Variants in INSR observed in about 807,000 individuals in gnomAD.
INSR encodes insulin receptor, also known as IR.
Under a neutral mutation model 142.6 loss-of-function variants are expected in INSR, and 67 were observed. The ratio of observed to expected loss-of-function variants is 0.47; its 90% confidence interval spans 0.39 to 0.58. INSR has a LOEUF of 0.58. Among genes scored for constraint, INSR ranks in the 20% least tolerant of loss-of-function variants. INSR has a pLI of 0.00. For synonymous variants in INSR, 756 were observed against 743.1 expected, an observed-to-expected ratio of 1.02 and a Z score of -0.28; for missense variants, 1,248 against 1,833.2, an observed-to-expected ratio of 0.68 and a Z score of 5.83.
intron 10 of INSR, among the ~76,000 whole-genome samples, chr19:7,151,168 CTTTCTTTCTTT>C (rs1973340276): frequency 3.1e-4 from 2 of 6,418 alleles, no homozygotes; most frequent in Non-Finnish European, 1.9e-3. Flanking sequence ...CTTTCTCTTT[CTTTCTTTCTTT>C]CTTTCTTTCT....
intron 2 of INSR, among the ~76,000 whole-genome samples, chr19:7,234,826 G>A (rs1007202946): frequency 7.9e-5 from 12 of 151,834 alleles, no homozygotes; most frequent in African/African-American, 1.5e-4. Context: ...TTGGGAGGCC[G>A]AGGCGGGTGG....
At chr19:7,274,243 G>A (rs548236174) in intron 1 of INSR, among the ~76,000 whole-genome samples, 3 of 151,882 alleles carry the variant, frequency 2.0e-5, no homozygotes, top group African/African-American at 7.3e-5. Context: ...CACAGTTCAC[G>A]ACAGGATTCG....
rs1332304536 is a variant in INSR, at chr19:7,125,004, A to C, written c.3258+279T>G. On this transcript the variant is annotated intron_variant, in intron 17 of 21. Transcript: ENST00000302850. The surrounding 1 kb of genome is among the most constrained non-coding windows in gnomAD (Gnocchi z 4.9). ...AAGTGGTGGAAGATTCCAGAAAATG[A>C]TGGAAGATTCCAGAAAGTGATGAAA... Among the ~76,000 whole-genome samples, 1 of 152,120 alleles carries C rather than the reference A, an allele frequency of 6.6e-6. No individual in the cohort carries two copies. Among genetic ancestry groups the C allele is most frequent in the Non-Finnish European group, 1.5e-5 (1 of 68,032 alleles).
chr19:7,237,319 C>T (rs1044237478), intron 2 of INSR, among the ~76,000 whole-genome samples: 1 of 151,710 alleles, frequency 6.6e-6, no homozygotes, highest in Non-Finnish European at 1.5e-5. Flanking sequence ...GAGTTCCAGA[C>T]CAGCCTGGCC....
Position 7,184,662 on chromosome 19 carries a change from G to GA in INSR, c.653-26_653-25insT. 5 of 982,314 alleles carry GA rather than the reference G, an allele frequency of 5.1e-6. No individual in the cohort carries two copies. In the African/African-American group the frequency reaches 1.0e-4, roughly 20 times the overall value. The allele number at this position is 982,314 out of a possible 1,614,324, so 60.8% of individuals were successfully genotyped here. On this transcript the variant is annotated intron_variant, in intron 2 of 21. Transcript: ENST00000302850. The stretch of plus-strand genomic sequence containing the variant: ...ACTGGAGAGAGAGAGAGAGAGAGAG[G>GA]GAAATAAATAAATAAATAAATAAAT...
rs781376061 is a variant in INSR at position 7,184,294 on chromosome 19, C to T, written c.974+22G>A. On this transcript the variant is annotated intron_variant, in intron 3 of 21. Coordinates refer to ENST00000302850, the MANE Select transcript of INSR (RefSeq NM_000208.4). ...GTTCCTTCTCCTCTCGGCTGCCCCC[C>T]AGACCCACATCCAGAACTCACTTGC... is the stretch of plus-strand genomic sequence containing the variant. 15 of 1,610,008 alleles carry T rather than the reference C, an allele frequency of 9.3e-6. No homozygotes were observed. The South Asian group carries it at 1.3e-4, about 14-fold the overall frequency.
intron 2 of INSR, among the ~76,000 whole-genome samples, chr19:7,190,729 T>C (rs766420217): frequency 2.0e-5 from 3 of 152,106 alleles, no homozygotes; most frequent in Non-Finnish European, 2.9e-5. Context: ...TCCAACTCTG[T>C]AGGGAGATGT....
intron 9 of INSR, among the ~76,000 whole-genome samples, chr19:7,160,699 A>G (rs1216225453): frequency 6.6e-6 from 1 of 151,928 alleles, no homozygotes; most frequent in African/African-American, 2.4e-5. Context: ...AAAAAACCCA[A>G]TGTTAAAATA....
At chr19:7,253,307 C>T (rs566217360) in intron 2 of INSR, among the ~76,000 whole-genome samples, 2 of 151,904 alleles carry the variant, frequency 1.3e-5, no homozygotes, top group Admixed American at 6.6e-5. Flanking sequence ...GACGTGATCT[C>T]GACTCACTGC....
chr19:7,166,212 A>G lies in INSR; in HGVS notation c.1803T>C (p.Asp601=). 1 of 1,614,122 alleles carries G rather than the reference A, an allele frequency of 6.2e-7. No homozygotes were observed. Among genetic ancestry groups the G allele is most frequent in the Non-Finnish European group, 8.5e-7 (1 of 1,180,028 alleles). ...TCTTGGCCCCATAGGTCCGGCGTTC[A>G]TCCGAAAAGGTGACCAGGGTCTTCA... ...IFVKTLVTFS[D]ERRTYGAKSD... is the part of the protein sequence containing the mutation. Residue 601 remains aspartate (D), a synonymous_variant, in exon 8 of 22, where the codon GAT becomes GAC. Coordinates refer to ENST00000302850, the MANE Select transcript of INSR (RefSeq NM_000208.4). The surrounding 1 kb of genome is among the most constrained non-coding windows in gnomAD (Gnocchi z 4.1).
Position 7,243,280 on chromosome 19 carries a change from C to T in INSR, c.652+24065G>A, listed in dbSNP as rs1033074018. The stretch of plus-strand genomic sequence containing the variant: ...TTTTTTTTTGAGATGCAGTCTAGCT[C>T]TACTGCCCAGGCTGGAGTGCAGTGG... On this transcript the variant is annotated intron_variant, in intron 2 of 21. Transcript: ENST00000302850. 3.5e-5 allele frequency among the ~76,000 whole-genome samples: 4 copies of T among 114,058 alleles called. No individual in the cohort carries two copies. In the South Asian group the frequency reaches 1.3e-3, roughly 36 times the overall value. 74.8% of individuals were successfully genotyped at this position (114,058 alleles called of 152,430 possible). A position where few individuals can be genotyped will look rare whatever the true frequency, so the allele number is the denominator to read the frequency against.
rs1483840468 is a variant in INSR, at chr19:7,119,175, A to T, written c.3794+274T>A. ...ATGCTGATGCACACAGAAACATATAATATGCAAACATAAATACCTATGTAA... is the reference window on the plus strand; with the variant it reads ...ATGCTGATGCACACAGAAACATATATTATGCAAACATAAATACCTATGTAA... On this transcript the variant is annotated intron_variant, in intron 21 of 21. Transcript: ENST00000302850. This position sits in a 1 kb window ranked among gnomAD's most constrained non-coding sequence, Gnocchi z 5.2. Among the ~76,000 whole-genome samples, 1 of 152,252 alleles carries T rather than the reference A, an allele frequency of 6.6e-6. No homozygotes were observed. The highest frequency in any genetic ancestry group is 1.5e-5 in the Non-Finnish European group (1 of 68,042).
At chr19:7,152,084 G>A (rs1029292972) in intron 10 of INSR, 9 of 158,250 alleles carry the variant, frequency 5.7e-5, no homozygotes, top group Admixed American at 4.2e-4. Flanking sequence ...ACACCACTGC[G>A]CTCAGCTAAA....
chr19:7,243,234 G>GTTTT lies in INSR; in HGVS notation c.652+24107_652+24110dup, dbSNP rs1161289283. Among the ~76,000 whole-genome samples the GTTTT allele has an allele frequency of 1.9e-3, 131 of 68,218 alleles. 12 individuals are homozygous for GTTTT. Among genetic ancestry groups the GTTTT allele is most frequent in the South Asian group, 3.4e-3 (4 of 1,188 alleles). 44.8% of individuals were successfully genotyped at this position (68,218 alleles called of 152,430 possible). A position where few individuals can be genotyped will look rare whatever the true frequency, so the allele number is the denominator to read the frequency against. On this transcript the variant is annotated intron_variant, in intron 2 of 21. Coordinates refer to ENST00000302850, the MANE Select transcript of INSR (RefSeq NM_000208.4). The stretch of plus-strand genomic sequence containing the variant: ...TCACAGCCAGTCACACACTGTTTTG[G>GTTTT]TTTTTTTTTTTTTTTTTTTTTTTTT...
Position 7,174,591 on chromosome 19 carries a change from C to T in INSR, c.1115G>A (p.Arg372Gln). 2 of 1,613,986 alleles carry T rather than the reference C, an allele frequency of 1.2e-6. No homozygotes were observed. The highest frequency in any genetic ancestry group is 1.7e-6 in the Non-Finnish European group (2 of 1,179,972). Residue 372 changes from arginine (R) to glutamine (Q), a missense_variant, in exon 4 of 22, where the codon CGA (arginine) becomes CAA (glutamine). Coordinates refer to ENST00000302850, the MANE Select transcript of INSR (RefSeq NM_000208.4). ...CACACAGAGACACTCACTGCCTCCT[C>T]GAATGTTGATGATCAGACTCCCGTT... ...VINGSLIINI[R>Q]GGNNLAAELE...
In INSR at chr19:7,216,066, T is replaced by C. The variant is rs982335703; in HGVS notation, c.653-31429A>G. On this transcript the variant is annotated intron_variant, in intron 2 of 21. Coordinates refer to ENST00000302850, the MANE Select transcript of INSR (RefSeq NM_000208.4). This position sits in a 1 kb window ranked among gnomAD's most constrained non-coding sequence, Gnocchi z 4.2. ...GGCTGGGCACGGTGGCTCACGCCTA[T>C]AATCCCAGCACTTTGGGAGGCCAAG... 1.3e-5 allele frequency among the ~76,000 whole-genome samples: 2 copies of C among 151,522 alleles called. No homozygotes were observed. Among genetic ancestry groups the C allele is most frequent in the African/African-American group, 4.8e-5 (2 of 41,288 alleles).
chr19:7,244,917 TG>T (rs1976484447), intron 2 of INSR, among the ~76,000 whole-genome samples: 1 of 149,652 alleles, frequency 6.7e-6, no homozygotes. Flanking sequence ...TGGGTTTTTT[TG>T]TTTTTGTTTT....
At chr19:7,215,712 C>T (rs950563833) in intron 2 of INSR, among the ~76,000 whole-genome samples, 5 of 151,776 alleles carry the variant, frequency 3.3e-5, no homozygotes, top group South Asian at 4.2e-4. Flanking sequence ...GAATTACAGG[C>T]GCATGCCACC....
chr19:7,258,338 C>T (rs757713369), intron 2 of INSR, among the ~76,000 whole-genome samples: 4 of 151,914 alleles, frequency 2.6e-5, no homozygotes, highest in Non-Finnish European at 5.9e-5. Flanking sequence ...ACTGAGGAGG[C>T]TGACTGAGGT....
Sources: gnomAD v4.1 joint callset for allele counts (sites outside exome capture counted in the v4.1 genomes callset) on GRCh38, gnomAD v4.1.1 for gene constraint, Gnocchi (gnomAD v3.1) non-coding constraint, MANE v1.5 for transcripts, NCBI Gene and HGNC (gene_info 2026-07-23, HGNC 2026-07-21) for gene names.